The following WWC1 variants were observed in gnomAD, a reference collection of about 807,000 sequenced individuals.
WWC1 encodes WW and C2 domain containing 1.
In WWC1, 55 loss-of-function variants were observed where a neutral mutation model predicts 138.4. The ratio of observed to expected loss-of-function variants is 0.40; its 90% CI spans 0.32 to 0.50. The LOEUF (loss-of-function observed/expected upper bound fraction) is 0.50. Ranked by LOEUF, WWC1 falls within the 20% of genes least tolerant of loss-of-function variation. The pLI is 0.72. For synonymous variants in WWC1, 524 were observed against 564.9 expected (o/e 0.93, Z 1.03); for missense variants, 1,226 against 1,420.4 (o/e 0.86, Z 2.20).
intron 5 of WWC1, among the ~76,000 whole-genome samples, chr5:168,405,589 G>A (rs1582180610): frequency 1.3e-5 from 2 of 152,278 alleles, no homozygotes; most frequent in Middle Eastern, 6.8e-3. Flanking sequence ...AGGACCCAGG[G>A]AAGTAATCAG....
chr5:168,407,997 G>A (rs1027355766), intron 6 of WWC1, among the ~76,000 whole-genome samples: 2 of 149,412 alleles, frequency 1.3e-5, no homozygotes, highest in African/African-American at 2.5e-5. Context: ...CAAGTAGTTG[G>A]AACTACAGAC....
intron 1 of WWC1, among the ~76,000 whole-genome samples, chr5:168,335,918 C>A (rs528531986): frequency 1.3e-5 from 2 of 152,204 alleles, no homozygotes; most frequent in Non-Finnish European, 2.9e-5. Flanking sequence ...TTGCTTTCCT[C>A]CCCCTAAGGG....
intron 20 of WWC1, among the ~76,000 whole-genome samples, chr5:168,463,297 C>G (rs1582393121): frequency 6.6e-6 from 1 of 152,316 alleles, no homozygotes; most frequent in East Asian, 1.9e-4. Flanking sequence ...AAGGAAACAT[C>G]TGATCCAGGC....
At chr5:168,413,423 G>T (rs1290307015) in intron 8 of WWC1, among the ~76,000 whole-genome samples, 1 of 152,138 alleles carries the variant, frequency 6.6e-6, no homozygotes, top group African/African-American at 2.4e-5. Flanking sequence ...AATGTATAAA[G>T]GGCTCTTAAT....
chr5:168,291,977 C>T lies in WWC1; in HGVS notation c.-176C>T. ...CGGCGCCGGGTCGGGGCTGCAGGGC[C>T]GCATGGACAGCGGCGCCACCCCGGC... On this transcript the variant is annotated 5_prime_UTR_variant, in exon 1 of 23. Coordinates refer to ENST00000265293, the MANE Select transcript of WWC1 (RefSeq NM_015238.3). 1.6e-6 allele frequency: 1 copy of T among 609,046 alleles called. No homozygotes were observed. Among genetic ancestry groups the T allele is most frequent in the Non-Finnish European group, 2.4e-6 (1 of 413,234 alleles). 37.7% of individuals were successfully genotyped at this position (609,046 alleles called of 1,614,324 possible).
At chr5:168,386,617 G>C (rs1044433913) in intron 3 of WWC1, among the ~76,000 whole-genome samples, 4 of 151,340 alleles carry the variant, frequency 2.6e-5, no homozygotes, top group Middle Eastern at 3.2e-3. Flanking sequence ...GGATGATCTC[G>C]ATCTCCTGTC....
intron 16 of WWC1, among the ~76,000 whole-genome samples, chr5:168,444,131 A>G (rs912654067): frequency 2.0e-5 from 3 of 152,216 alleles, no homozygotes; most frequent in Middle Eastern, 3.4e-3. Context: ...CCTCTCTTCT[A>G]TGTCATATCC....
At chr5:168,356,806 G>A (rs1036850713) in intron 1 of WWC1, among the ~76,000 whole-genome samples, 21 of 152,126 alleles carry the variant, frequency 1.4e-4, no homozygotes, top group Non-Finnish European at 2.4e-4. Flanking sequence ...CTCTTGTCGC[G>A]CTTCTCCAGT....
intron 17 of WWC1, among the ~76,000 whole-genome samples, chr5:168,445,301 A>G (rs1159290133): frequency 6.6e-6 from 1 of 151,188 alleles, no homozygotes; most frequent in Non-Finnish European, 1.5e-5. Flanking sequence ...GTGATAGAGC[A>G]AAAAAACAAA....
At chr5:168,384,055 G>A (rs567501117) in intron 2 of WWC1, among the ~76,000 whole-genome samples, 44 of 151,820 alleles carry the variant, frequency 2.9e-4, no homozygotes, top group East Asian at 5.8e-4. Flanking sequence ...TTATTTATTC[G>A]GTTTTATGAC....
chr5:168,410,213 G>T, intron 8 of WWC1: 1 of 529,486 alleles, frequency 1.9e-6, no homozygotes, highest in Non-Finnish European at 3.3e-6. Context: ...GTGAAACTAT[G>T]CTTTGAACCC....
chr5:168,427,487 G>T (rs1042926455), intron 11 of WWC1, among the ~76,000 whole-genome samples: 31 of 151,646 alleles, frequency 2.0e-4, no homozygotes, highest in African/African-American at 7.5e-4. Context: ...AAGAGCCTGG[G>T]ATGGTAAAAC....
In WWC1 at chr5:168,464,753, T is replaced by G; in HGVS notation, c.2941T>G (p.Ser981Ala). ...KRPSSVKSLR[S>A]ERLIRTSLDL... ...GCCTTCCTCGGTCAAGTCGCTGCGC[T>G]CCGAGCGTCTGATCCGTACCTCGCT... The change falls in exon 21 of 23, where the codon TCC (serine) becomes GCC (alanine). Residue 981 changes from serine (S) to alanine (A), a missense_variant. Transcript: ENST00000265293. The G allele has an allele frequency of 6.2e-7, 1 of 1,613,978 alleles. No homozygotes were observed. The highest frequency in any genetic ancestry group is 8.5e-7 in the Non-Finnish European group (1 of 1,180,006).
intron 15 of WWC1, among the ~76,000 whole-genome samples, chr5:168,437,216 T>C (rs1247082488): frequency 6.6e-6 from 1 of 152,178 alleles, no homozygotes; most frequent in African/African-American, 2.4e-5. Context: ...TTCCACCCTA[T>C]ATAAATCCCA....
chr5:168,445,735 G>A (rs368407594), intron 17 of WWC1, among the ~76,000 whole-genome samples: 1,819 of 146,532 alleles, frequency 0.012, 35 homozygotes, highest in African/African-American at 0.044. Context: ...AGAGTAAGCA[G>A]TCCAAGGCTA....
intron 2 of WWC1, among the ~76,000 whole-genome samples, chr5:168,373,366 G>T (rs924974217): frequency 6.6e-6 from 1 of 152,150 alleles, no homozygotes; most frequent in South Asian, 2.1e-4. Context: ...GATTAAATGG[G>T]GCCATAGCAG....
At chr5:168,415,354 T>C (rs12171535) in intron 9 of WWC1, 1 of 152,040 alleles carries the variant, frequency 6.6e-6, no homozygotes, top group Non-Finnish European at 1.5e-5. Flanking sequence ...GAAGTTTTTT[T>C]AAAAAAATAT....
Position 168,428,760 on chromosome 5 carries a change from G to A in WWC1, c.1973G>A (p.Gly658Asp), listed in dbSNP as rs768047139. The change falls in exon 13 of 23, where the codon GGT (glycine) becomes GAT (aspartate). Residue 658 changes from glycine (G) to aspartate (D), a missense_variant. Physicochemically the swap from Gly to Asp is moderately conservative, Grantham distance 94 (BLOSUM62 -1). Coordinates refer to ENST00000265293, the MANE Select transcript of WWC1 (RefSeq NM_015238.3). ...AFDSDESEAVGATRIQIALKY... is the reference protein window; with the variant it reads ...AFDSDESEAVDATRIQIALKY... ...GACAGTGACGAATCGGAAGCAGTGG[G>A]TGCGACCCGAATTCAGATTGCCCTG... The A allele has an allele frequency of 6.2e-7, 1 of 1,613,958 alleles. No homozygotes were observed. The highest frequency in any genetic ancestry group is 1.3e-5 in the African/African-American group (1 of 75,018).
intron 1 of WWC1, among the ~76,000 whole-genome samples, chr5:168,327,128 C>T (rs1474770412): frequency 1.3e-5 from 2 of 152,174 alleles, no homozygotes; most frequent in Admixed American, 1.3e-4. Flanking sequence ...GAATTTTCTT[C>T]CACAGGGCTT....
Sources: gnomAD v4.1 joint callset for allele counts (sites outside exome capture counted in the v4.1 genomes callset) on GRCh38, gnomAD v4.1.1 for gene constraint, MANE v1.5 for transcripts, NCBI Gene and HGNC (gene_info 2026-07-23, HGNC 2026-07-21) for gene names.